CCDC88C: variants seen among roughly 807,000 people sequenced by gnomAD.
CCDC88C encodes the protein coiled-coil and HOOK domain protein 88C.
In CCDC88C, 131 loss-of-function variants were observed where a neutral mutation model predicts 198.8. The ratio of observed to expected loss-of-function variants is 0.66; its 90% CI spans 0.57 to 0.76. The LOEUF is 0.76. Among genes scored for constraint, CCDC88C ranks in the 30% least tolerant of loss-of-function variants. CCDC88C has a pLI of 0.00. For missense variants in CCDC88C, 2,553 were observed against 2,631.6 expected (o/e 0.97, Z 0.65); for synonymous variants, 1,166 against 1,114.7 (o/e 1.05, Z -0.92).
chr14:91,412,719 G>A (rs1223444799), intron 2 of CCDC88C, among the ~76,000 whole-genome samples: 1 of 152,176 alleles, frequency 6.6e-6, no homozygotes, highest in Non-Finnish European at 1.5e-5. Flanking sequence ...ACAGGCGTGA[G>A]CCACCGTGCC....
At chr14:91,305,657 T>G (rs1464404614) in intron 19 of CCDC88C, 108 bp downstream of exon 19, 4 of 1,089,508 alleles carry the variant, frequency 3.7e-6, no homozygotes, top group Non-Finnish European at 5.2e-6. Context: ...TGCTTTGTGC[T>G]TTGATCTGCT....
At chr14:91,404,566 G>A (rs904725649) in intron 3 of CCDC88C, among the ~76,000 whole-genome samples, 2 of 152,196 alleles carry the variant, frequency 1.3e-5, no homozygotes, top group African/African-American at 4.8e-5. Flanking sequence ...TCCCAGCGCG[G>A]CTGCAGATCT....
intron 16 of CCDC88C, 97 bp downstream of exon 16, chr14:91,309,762 G>C: frequency 7.5e-7 from 1 of 1,329,614 alleles, no homozygotes; most frequent in Non-Finnish European, 1.0e-6. Context: ...CTCGGCAGTA[G>C]AGAGTTCATG....
intron 3 of CCDC88C, among the ~76,000 whole-genome samples, chr14:91,364,085 T>C (rs1894426449): frequency 6.6e-6 from 1 of 152,228 alleles, no homozygotes. Context: ...ACTCTAGTCT[T>C]TGCAATGGCA....
At chr14:91,410,020 C>T (rs1434348617) in intron 2 of CCDC88C, among the ~76,000 whole-genome samples, 2 of 152,258 alleles carry the variant, frequency 1.3e-5, no homozygotes, top group East Asian at 1.9e-4. Context: ...GGGGAATCCC[C>T]GAAGTGTCAT....
chr14:91,277,798 T>A, intron 29 of CCDC88C, 124 bp downstream of exon 29: 2 of 1,138,216 alleles, frequency 1.8e-6, no homozygotes, highest in Non-Finnish European at 2.4e-6. Flanking sequence ...GCCTCTCATG[T>A]CCAAGCCAGT....
intron 3 of CCDC88C, among the ~76,000 whole-genome samples, chr14:91,376,874 G>A (rs945631935): frequency 6.6e-6 from 1 of 152,220 alleles, no homozygotes; most frequent in Non-Finnish European, 1.5e-5. Flanking sequence ...CAAAGTGACT[G>A]CCACAGCCCC....
At chr14:91,317,010 C>A (rs1735464753) in intron 13 of CCDC88C, among the ~76,000 whole-genome samples, 1 of 152,210 alleles carries the variant, frequency 6.6e-6, no homozygotes, top group Admixed American at 6.5e-5. Flanking sequence ...GGACCCTGCC[C>A]CTCAGCCCCC....
At chr14:91,332,677 G>A (rs752819038) in intron 10 of CCDC88C, among the ~76,000 whole-genome samples, 10 of 152,154 alleles carry the variant, frequency 6.6e-5, no homozygotes, top group Non-Finnish European at 1.2e-4. Flanking sequence ...GAGCTGGCAC[G>A]AATGCAATAA....
intron 23 of CCDC88C, among the ~76,000 whole-genome samples, chr14:91,293,595 A>ACAGCCCACCTTCC (rs1567056054): frequency 6.7e-5 from 9 of 135,118 alleles, no homozygotes; most frequent in Admixed American, 3.0e-4. Flanking sequence ...CTCGCCTGCC[A>ACAGCCCACCTTCC]TGGCCCACCT....
At chr14:91,324,276 G>A (rs1052253418) in intron 12 of CCDC88C, among the ~76,000 whole-genome samples, 3 of 152,238 alleles carry the variant, frequency 2.0e-5, no homozygotes, top group African/African-American at 7.2e-5. Flanking sequence ...CCTGGCAGAG[G>A]CGCTAAGAAC....
intron 3 of CCDC88C, chr14:91,379,488 A>G (rs1012906141): frequency 9.1e-5 from 30 of 330,108 alleles, no homozygotes; most frequent in African/African-American, 6.4e-4. Context: ...CACCCGGGGC[A>G]GCTAGGAACT....
Position 91,273,140 on chromosome 14 carries a change from G to C in CCDC88C, c.5572C>G (p.Arg1858Gly). The change falls in exon 30 of 30, where the codon CGG (arginine) becomes GGG (glycine). Residue 1858 changes from arginine to glycine, a missense_variant. Coordinates refer to ENST00000389857, the MANE Select transcript of CCDC88C (RefSeq NM_001080414.4). The surrounding 1 kb of genome is among the most constrained non-coding windows in gnomAD (Gnocchi z 5.6). ...PAPPSSHSLA[R>G]ERTPLVGKAG... ...TTTCCCACAAGTGGGGTCCGCTCCC[G>C]GGCCAGGCTATGGGAGCTGGGGGGT... The C allele has an allele frequency of 6.3e-7, 1 of 1,579,204 alleles. No individual in the cohort carries two copies. The highest frequency in any genetic ancestry group is 8.6e-7 in the Non-Finnish European group (1 of 1,162,928).
chr14:91,359,429 GC>G (rs1455285082), intron 4 of CCDC88C, among the ~76,000 whole-genome samples: 5 of 152,092 alleles, frequency 3.3e-5, no homozygotes, highest in Non-Finnish European at 7.4e-5. Flanking sequence ...GAGCCACCGC[GC>G]CCGGCCTGGG....
rs535325853 is a variant in CCDC88C, at chr14:91,337,844, G to A, written c.1050+161C>T. Among the ~76,000 whole-genome samples the A allele has an allele frequency of 4.6e-5, 7 of 152,324 alleles. No individual in the cohort carries two copies. In the East Asian group the frequency reaches 5.8e-4, roughly 13 times the overall value. ...ACTGGGAGATGAAGAGGAGCAAGAC[G>A]GGGGCCCTGGGAAGCCCAGGCAGGC... On this transcript the variant is annotated intron_variant, in intron 10 of 29. Coordinates refer to ENST00000389857, the MANE Select transcript of CCDC88C (RefSeq NM_001080414.4).
rs1222887072 is a variant in CCDC88C at position 91,273,394 on chromosome 14, G to A, written c.5318C>T (p.Pro1773Leu). 6.5e-7 allele frequency: 1 copy of A among 1,538,156 alleles called. No individual in the cohort carries two copies. Among genetic ancestry groups the A allele is most frequent in the Admixed American group, 2.1e-5 (1 of 48,652 alleles). The change falls in exon 30 of 30, where the codon CCT becomes CTT. Residue 1773 changes from proline to leucine, a missense_variant. Physicochemically the swap from Pro to Leu is moderately conservative, Grantham distance 98. Coordinates refer to ENST00000389857, the MANE Select transcript of CCDC88C (RefSeq NM_001080414.4). This position sits in a 1 kb window ranked among gnomAD's most constrained non-coding sequence, Gnocchi z 5.6. ...TCTGCCCAGAGACAGGCTCTGGGGA[G>A]GCTGGGCCTGTCTCGGGGCCACGCT... ...PPSVAPRQAQ[P>L]PQSLSLGRPR...
intron 26 of CCDC88C, 25 bp from the exon 27 acceptor site, chr14:91,281,550 G>C (rs771642816): frequency 2.5e-6 from 4 of 1,610,336 alleles, no homozygotes; most frequent in Non-Finnish European, 3.4e-6. Flanking sequence ...AGGCTAGTGA[G>C]TCATGGTTAC....
chr14:91,292,079 C>T (rs909239881), intron 23 of CCDC88C, among the ~76,000 whole-genome samples: 16 of 152,134 alleles, frequency 1.1e-4, no homozygotes, highest in African/African-American at 3.9e-4. Context: ...AGCTCATTCT[C>T]GAAGCTGCCA....
At chr14:91,293,081 C>A (rs1267610420) in intron 23 of CCDC88C, among the ~76,000 whole-genome samples, 1 of 151,478 alleles carries the variant, frequency 6.6e-6, no homozygotes, top group African/African-American at 2.4e-5. Context: ...CCACAGCCCA[C>A]CTTCCTGTCC....
Sources: gnomAD v4.1 joint callset for allele counts (sites outside exome capture counted in the v4.1 genomes callset) on GRCh38, gnomAD v4.1.1 for gene constraint, Gnocchi (gnomAD v3.1) non-coding constraint, MANE v1.5 for transcripts, NCBI Gene and HGNC (gene_info 2026-07-23, HGNC 2026-07-21) for gene names.